Variants in LPXN observed in about 807,000 individuals in gnomAD.
LPXN encodes leupaxin.
LPXN carries 28 observed loss-of-function variants against 45.6 expected under a neutral mutation model. The ratio of observed to expected loss-of-function variants is 0.61; its 90% CI spans 0.45 to 0.84. The LOEUF is 0.84. LPXN is among the 40% of genes least tolerant of loss of function. The probability of loss-of-function intolerance (pLI) is 0.00; values close to 1 mark genes in which losing one functional copy is unlikely to be tolerated. For synonymous variants in LPXN, 166 were observed against 169.9 expected (o/e 0.98, Z 0.18); for missense variants, 459 against 475.0 (o/e 0.97, Z 0.31).
intron 3 of LPXN, among the ~76,000 whole-genome samples, chr11:58,556,103 T>C (rs1345429955): frequency 6.6e-6 from 1 of 151,996 alleles, no homozygotes; most frequent in Non-Finnish European, 1.5e-5. Context: ...GAAAAAACGA[T>C]GTGCATGTGT....
Position 58,575,788 on chromosome 11 carries a change from A to G in LPXN, c.-16T>C. 1 of 1,614,174 alleles carries G rather than the reference A, an allele frequency of 6.2e-7. No individual in the cohort carries two copies. Among genetic ancestry groups the G allele is most frequent in the South Asian group, 1.1e-5 (1 of 91,084 alleles). On this transcript the variant is annotated 5_prime_UTR_variant, in exon 1 of 9. Coordinates refer to ENST00000395074, the MANE Select transcript of LPXN (RefSeq NM_004811.3). ...ACTCTTCCATTGTCCTACATCCAAG[A>G]TGCTCTTGTCTCACAGGCCGTGAGG...
At chr11:58,578,101 T>C (rs1005376851), upstream of LPXN, 8 of 1,539,512 alleles carry the variant, frequency 5.2e-6, no homozygotes, top group East Asian at 5.0e-5. Context: ...CCAAGGCAAG[T>C]CTGGGCAGTT....
At chr11:58,577,348 G>A (rs573302714), upstream of LPXN, among the ~76,000 whole-genome samples, 1 of 152,278 alleles carries the variant, frequency 6.6e-6, no homozygotes, top group African/African-American at 2.4e-5. Context: ...TAAAACATTT[G>A]TCTAATATGA....
At chr11:58,541,347 A>C (rs1270382197) in intron 7 of LPXN, among the ~76,000 whole-genome samples, 1 of 152,222 alleles carries the variant, frequency 6.6e-6, no homozygotes, top group East Asian at 1.9e-4. Context: ...TTACAACAAA[A>C]AAACAAACAA....
At chr11:58,577,996 T>A, upstream of LPXN, 1 of 1,550,038 alleles carries the variant, frequency 6.5e-7, no homozygotes, top group Non-Finnish European at 8.7e-7. Context: ...CTCTAGGAGC[T>A]CACAGGTGAG....
intron 7 of LPXN, among the ~76,000 whole-genome samples, chr11:58,537,282 C>A (rs914753774): frequency 3.3e-5 from 5 of 152,150 alleles, no homozygotes; most frequent in African/African-American, 1.2e-4. Flanking sequence ...CAATGATAGT[C>A]TGGATAAAGA....
At chr11:58,569,692 G>A (rs1321937314) in intron 2 of LPXN, among the ~76,000 whole-genome samples, 2 of 151,928 alleles carry the variant, frequency 1.3e-5, no homozygotes. Context: ...ACCTGCCCTA[G>A]GTTTTTAAAA....
At chr11:58,575,693 C>A in intron 1 of LPXN, 67 bp downstream of exon 1, 2 of 1,564,778 alleles carry the variant, frequency 1.3e-6, no homozygotes, top group Non-Finnish European at 1.8e-6. Context: ...AAGTATACCC[C>A]ACCACACAAG....
intron 2 of LPXN, among the ~76,000 whole-genome samples, chr11:58,570,134 C>T (rs1209442167): frequency 6.6e-6 from 1 of 152,002 alleles, no homozygotes; most frequent in Non-Finnish European, 1.5e-5. Flanking sequence ...CAAAACCCGT[C>T]TCTACTAAAA....
intron 7 of LPXN, among the ~76,000 whole-genome samples, chr11:58,548,623 C>T (rs561056622): frequency 5.9e-5 from 9 of 152,300 alleles, no homozygotes; most frequent in Admixed American, 5.9e-4. Flanking sequence ...CAAAAGGACA[C>T]TGTGATAATA....
chr11:58,563,603 G>A (rs916695981), intron 3 of LPXN, among the ~76,000 whole-genome samples: 3 of 152,198 alleles, frequency 2.0e-5, no homozygotes, highest in Non-Finnish European at 2.9e-5. Flanking sequence ...TTTTCAGACT[G>A]CCAATTCTGC....
upstream of LPXN, among the ~76,000 whole-genome samples, chr11:58,578,783 AC>A (rs1036654599): frequency 1.3e-5 from 2 of 150,706 alleles, no homozygotes; most frequent in African/African-American, 4.9e-5. Flanking sequence ...ATTTCTTCTC[AC>A]CCGCCTCCCT....
intron 7 of LPXN, among the ~76,000 whole-genome samples, chr11:58,547,112 A>G (rs2120297258): frequency 6.6e-6 from 1 of 152,346 alleles, no homozygotes; most frequent in Admixed American, 6.5e-5. Context: ...AAAAGTCCAT[A>G]GATGAGTCTG....
At chr11:58,533,116 T>G (rs1473784881) in intron 7 of LPXN, among the ~76,000 whole-genome samples, 1 of 152,090 alleles carries the variant, frequency 6.6e-6, no homozygotes, top group Non-Finnish European at 1.5e-5. Flanking sequence ...ACTCCGAACA[T>G]GTCTGAACAT....
chr11:58,532,890 G>A (rs2515354), intron 7 of LPXN, among the ~76,000 whole-genome samples: 77,740 of 151,540 alleles, frequency 0.51, 20,734 homozygotes, highest in East Asian at 0.67. Flanking sequence ...CTTTGGGTCC[G>A]CACTGCCTTT....
chr11:58,537,329 C>A (rs1026006677), intron 7 of LPXN, among the ~76,000 whole-genome samples: 3 of 152,104 alleles, frequency 2.0e-5, no homozygotes, highest in Admixed American at 6.5e-5. Context: ...TAAAATACAG[C>A]CATAAAAAAG....
rs749286427 is a variant in LPXN at position 58,560,319 on chromosome 11, T to C, written c.218+3836A>G. 2.0e-5 allele frequency among the ~76,000 whole-genome samples: 3 copies of C among 152,208 alleles called. No individual in the cohort carries two copies. The East Asian group carries it at 5.8e-4, about 29-fold the overall frequency. On this transcript the variant is annotated intron_variant, in intron 3 of 8. Coordinates refer to ENST00000395074, the MANE Select transcript of LPXN (RefSeq NM_004811.3). Reference sequence around the variant, plus strand: ...CAATCTTCAGTAAAGTACATAAATATAGTCACAGTGTAGAGCTTTCTATTT... The same window carrying C: ...CAATCTTCAGTAAAGTACATAAATACAGTCACAGTGTAGAGCTTTCTATTT...
At chr11:58,572,404 T>C (rs1854733733) in intron 1 of LPXN, among the ~76,000 whole-genome samples, 1 of 151,892 alleles carries the variant, frequency 6.6e-6, no homozygotes, top group Admixed American at 6.6e-5. Flanking sequence ...CTCGGGCAAA[T>C]GAATAACTGT....
At chr11:58,575,948 T>C (rs1373835883), upstream of LPXN, 3 of 1,444,980 alleles carry the variant, frequency 2.1e-6, no homozygotes, top group Non-Finnish European at 2.7e-6. Context: ...AGCTTTTTTT[T>C]TTTTTTCATA....
Sources: gnomAD v4.1 joint callset for allele counts (sites outside exome capture counted in the v4.1 genomes callset) on GRCh38, gnomAD v4.1.1 for gene constraint, MANE v1.5 for transcripts, NCBI Gene and HGNC (gene_info 2026-07-23, HGNC 2026-07-21) for gene names.